The following DCTN2 variants were observed in gnomAD, a reference collection of about 807,000 sequenced individuals.
DCTN2 encodes 50 kDa dynein-associated polypeptide.
Under a neutral mutation model 55.4 loss-of-function variants are expected in DCTN2, and 18 were observed. That is an observed-to-expected ratio of 0.32 (90% CI 0.22 to 0.48). DCTN2 has a LOEUF of 0.48. DCTN2 is among the 20% of genes least tolerant of loss of function. The pLI is 0.99. For synonymous variants in DCTN2, 168 were observed against 185.2 expected (o/e 0.91, Z 0.76); for missense variants, 390 against 491.0 (o/e 0.79, Z 1.94).
intron 2 of DCTN2, among the ~76,000 whole-genome samples, chr12:57,541,885 T>C (rs903500166): frequency 7.9e-5 from 12 of 152,218 alleles, no homozygotes; most frequent in African/African-American, 2.9e-4. Context: ...CTTCCCAGAT[T>C]GAGGAGGAAA....
In DCTN2 at chr12:57,535,199, G is replaced by A. The variant is rs1046265552; in HGVS notation, c.265-45C>T. ...GGTAATGTTATATGTCTCATTACAG[G>A]GAGCCTCAAGAATTCATCCACACCC... On this transcript the variant is annotated intron_variant, in intron 4 of 13. Transcript: ENST00000548249. 2.7e-6 allele frequency: 4 copies of A among 1,497,780 alleles called. No individual in the cohort carries two copies. In the African/African-American group the frequency reaches 4.2e-5, roughly 16 times the overall value. 92.8% of individuals were successfully genotyped at this position (1,497,780 alleles called of 1,614,324 possible).
chr12:57,534,088 T>C lies in DCTN2; in HGVS notation c.534A>G (p.Leu178=). ...TGTTCTTTGTTGCTTCCAGCTGCAG[T>C]AGTAGGCGCCTAGTTAGGAGACCGA... is the stretch of plus-strand genomic sequence containing the variant. The part of the protein sequence containing the change: ...DPDGALAKRL[L]LQLEATKNSK... Residue 178 remains leucine, a synonymous_variant, in exon 7 of 14, where the codon CTA becomes CTG. Coordinates refer to ENST00000548249, the MANE Select transcript of DCTN2 (RefSeq NM_001261413.2). 6.2e-7 allele frequency: 1 copy of C among 1,600,042 alleles called. No individual in the cohort carries two copies. The highest frequency in any genetic ancestry group is 8.5e-7 in the Non-Finnish European group (1 of 1,173,348).
chr12:57,541,492 A>C, intron 2 of DCTN2: 1 of 1,034,816 alleles, frequency 9.7e-7, no homozygotes, highest in Admixed American at 1.9e-5. Context: ...GATCTTCTAA[A>C]CTGTAAGGAA....
intron 3 of DCTN2, 30 bp downstream of exon 3, chr12:57,535,719 C>G (rs1341101375): frequency 1.3e-6 from 2 of 1,585,078 alleles, no homozygotes; most frequent in East Asian, 4.5e-5. Context: ...CTCCAGTCTT[C>G]CCCCCACCCA....
At chr12:57,538,156 CACAT>C in intron 2 of DCTN2, 1 of 384,812 alleles carries the variant, frequency 2.6e-6, no homozygotes, top group East Asian at 6.0e-5. Flanking sequence ...AGAGGGTCAA[CACAT>C]AGACGGTGAG....
In DCTN2 at chr12:57,532,994, G is replaced by A; in HGVS notation, c.764C>T (p.Ala255Val). The change falls in exon 9 of 14, where the codon GCC becomes GTC. Residue 255 changes from alanine (A) to valine (V), a missense_variant. Ala to Val is a moderately conservative substitution (Grantham distance 64). Transcript: ENST00000548249. The stretch of plus-strand genomic sequence containing the variant: ...TTCTTCCAAACTCACCATGAGACAG[G>A]CTCCCTGTAGACCTGCAGAAAGGGG... ...QNPLSAGLQG[A>V]CLMETVELLQ... The A allele has an allele frequency of 6.2e-7, 1 of 1,604,484 alleles. No individual in the cohort carries two copies. The highest frequency in any genetic ancestry group is 1.3e-5 in the African/African-American group (1 of 74,500).
In DCTN2 at chr12:57,530,566, C is replaced by T. The variant is rs1404069648; in HGVS notation, c.*123G>A. ...ATAAACCCCACATGCAAGAAGAACC[C>T]TTGCCCCCAGTGTCAAATGGGATGG... On this transcript the variant is annotated 3_prime_UTR_variant, in exon 14 of 14. Coordinates refer to ENST00000548249, the MANE Select transcript of DCTN2 (RefSeq NM_001261413.2). 4 of 841,756 alleles carry T rather than the reference C, an allele frequency of 4.8e-6. No individual in the cohort carries two copies. The African/African-American group carries it at 5.1e-5, about 11-fold the overall frequency. The allele number at this position is 841,756 out of a possible 1,614,324, so 52.1% of individuals were successfully genotyped here. A position where few individuals can be genotyped will look rare whatever the true frequency, so the allele number is the denominator to read the frequency against.
chr12:57,543,872 C>A, intron 2 of DCTN2: 1 of 1,252,132 alleles, frequency 8.0e-7, no homozygotes, highest in Non-Finnish European at 1.0e-6. Flanking sequence ...TCAGCCACCC[C>A]ACTAGATGCT....
chr12:57,530,892 CAG>C (rs1434094796), intron 13 of DCTN2, 117 bp from the exon 14 acceptor site: 9 of 892,288 alleles, frequency 1.0e-5, no homozygotes, highest in South Asian at 7.4e-5. Flanking sequence ...TTGTGGGCCA[CAG>C]AGGGGGGATG....
At position 57,533,225 on chromosome 12, in the gene DCTN2, G is replaced by A. The variant is rs1219198054; in HGVS notation, c.735+13C>T. 1.9e-6 allele frequency: 3 copies of A among 1,613,352 alleles called. No individual in the cohort carries two copies. The highest frequency in any genetic ancestry group is 1.1e-5 in the South Asian group (1 of 91,074). On this transcript the variant is annotated intron_variant, in intron 8 of 13. Coordinates refer to ENST00000548249, the MANE Select transcript of DCTN2 (RefSeq NM_001261413.2). ...GATCTAAGGCTCAGATTATGTACAG[G>A]AGAACACCTGACCTGAGCATCCTGA... is the stretch of plus-strand genomic sequence containing the variant.
At chr12:57,534,816 G>A (rs921936351) in intron 5 of DCTN2, among the ~76,000 whole-genome samples, 5 of 152,056 alleles carry the variant, frequency 3.3e-5, no homozygotes, top group Admixed American at 6.5e-5. Context: ...ACAGGTATGC[G>A]CCACCACACC....
intron 2 of DCTN2, chr12:57,542,745 G>A (rs1232628661): frequency 6.6e-6 from 3 of 452,082 alleles, no homozygotes; most frequent in African/African-American, 2.0e-5. Flanking sequence ...CTTGAACCGG[G>A]GAGGCAAAGG....
rs1156768901 is a variant in DCTN2 at position 57,546,046 on chromosome 12, A to G, written c.87T>C (p.Asp29=). The G allele has an allele frequency of 9.9e-6, 16 of 1,613,766 alleles. No individual in the cohort carries two copies. Among genetic ancestry groups the G allele is most frequent in the Non-Finnish European group, 1.4e-5 (16 of 1,179,834 alleles). ...TTCTTACCGCATCGAACTCCGCTTGATCATCCTCAGGTAGGTCGCTAGTTT... is the reference window on the plus strand; with the variant it reads ...TTCTTACCGCATCGAACTCCGCTTGGTCATCCTCAGGTAGGTCGCTAGTTT... The part of the protein sequence containing the change: ...VYETSDLPED[D]QAEFDAEELT... Residue 29 remains aspartate (D), a synonymous_variant, in exon 2 of 14, where the codon GAT becomes GAC. Transcript: ENST00000548249.
intron 7 of DCTN2, among the ~76,000 whole-genome samples, chr12:57,533,542 C>T (rs573202229): frequency 5.3e-5 from 8 of 152,216 alleles, no homozygotes; most frequent in African/African-American, 1.4e-4. Flanking sequence ...GAGGCCGAGG[C>T]GGGCGGATCA....
At chr12:57,531,889 A>ACTC (rs1471831272) in intron 13 of DCTN2, 126 bp downstream of exon 13, 1 of 1,346,322 alleles carries the variant, frequency 7.4e-7, no homozygotes, top group Non-Finnish European at 1.0e-6. Flanking sequence ...CAGGATGGAG[A>ACTC]CTCCAGACCA....
In DCTN2 at chr12:57,533,807, C is replaced by CGAATCAG. The variant is rs1201826556; in HGVS notation, c.669+139_669+145dup. The CGAATCAG allele has an allele frequency of 5.7e-6, 5 of 874,200 alleles. No homozygotes were observed. In the African/African-American group the frequency reaches 8.6e-5, roughly 15 times the overall value. 54.2% of individuals were successfully genotyped at this position (874,200 alleles called of 1,614,324 possible). A position where few individuals can be genotyped will look rare whatever the true frequency, so the allele number is the denominator to read the frequency against. ...AAAAAGAAAGAAACATAGAGAACAA[C>CGAATCAG]GAATCAGGAATCAAAAGAGGAATCA... On this transcript the variant is annotated intron_variant, in intron 7 of 13. Coordinates refer to ENST00000548249, the MANE Select transcript of DCTN2 (RefSeq NM_001261413.2).
Position 57,543,678 on chromosome 12 carries a change from C to T in DCTN2, c.105+2350G>A, listed in dbSNP as rs892489321. On this transcript the variant is annotated intron_variant, in intron 2 of 13. Coordinates refer to ENST00000548249, the MANE Select transcript of DCTN2 (RefSeq NM_001261413.2). ...GGAAACATCTTGGCTCTTCGGGCCCCTGAAGTGGCTGAAGGTCTGCCCACC... is the reference window on the plus strand; with the variant it reads ...GGAAACATCTTGGCTCTTCGGGCCCTTGAAGTGGCTGAAGGTCTGCCCACC... 5 of 838,482 alleles carry T rather than the reference C, an allele frequency of 6.0e-6. No homozygotes were observed. In the African/African-American group the frequency reaches 9.2e-5, roughly 15 times the overall value. The allele number at this position is 838,482 out of a possible 1,614,324, so 51.9% of individuals were successfully genotyped here. A position where few individuals can be genotyped will look rare whatever the true frequency, so the allele number is the denominator to read the frequency against.
chr12:57,531,583 G>A (rs1453652552), intron 13 of DCTN2, among the ~76,000 whole-genome samples: 2 of 152,090 alleles, frequency 1.3e-5, no homozygotes, highest in African/African-American at 4.8e-5. Flanking sequence ...GAATGAAGGA[G>A]CTAGGTGAGG....
At chr12:57,541,776 A>G (rs1241531253) in intron 2 of DCTN2, among the ~76,000 whole-genome samples, 1 of 152,086 alleles carries the variant, frequency 6.6e-6, no homozygotes, top group Non-Finnish European at 1.5e-5. Flanking sequence ...GTGTGGGTGG[A>G]ATTCTATTTG....
Sources: gnomAD v4.1 joint callset for allele counts (sites outside exome capture counted in the v4.1 genomes callset) on GRCh38, gnomAD v4.1.1 for gene constraint, MANE v1.5 for transcripts, NCBI Gene and HGNC (gene_info 2026-07-23, HGNC 2026-07-21) for gene names.